Variants in CDH18 observed in about 807,000 individuals in gnomAD.
The protein encoded by CDH18 is cadherin-18.
CDH18 carries 31 observed loss-of-function variants against 67.9 expected under a neutral mutation model. The ratio of observed to expected loss-of-function variants is 0.46; its 90% CI spans 0.34 to 0.62. The LOEUF is 0.62. Ranked by LOEUF, CDH18 falls within the 20% of genes least tolerant of loss-of-function variation. The probability of loss-of-function intolerance (pLI) is 0.01; values close to 1 mark genes in which losing one functional copy is unlikely to be tolerated. For synonymous variants in CDH18, 362 were observed against 347.2 expected (o/e 1.04, Z -0.48); for missense variants, 890 against 975.5 (o/e 0.91, Z 1.17).
intron 4 of CDH18, among the ~76,000 whole-genome samples, chr5:19,743,750 G>A (rs1024667261): frequency 4.6e-5 from 7 of 151,700 alleles, no homozygotes; most frequent in Admixed American, 3.3e-4. Flanking sequence ...GCAAGACCCC[G>A]TCTCTACTAA....
intron 2 of CDH18, among the ~76,000 whole-genome samples, chr5:19,872,360 A>G (rs1187688675): frequency 6.6e-6 from 1 of 152,168 alleles, no homozygotes; most frequent in African/African-American, 2.4e-5. Context: ...GTGATGGAAA[A>G]GGTTTATTTA....
chr5:19,942,143 A>G (rs911627910), intron 2 of CDH18, among the ~76,000 whole-genome samples: 1 of 152,154 alleles, frequency 6.6e-6, no homozygotes, highest in African/African-American at 2.4e-5. Context: ...GATCAAGATT[A>G]TGAAGATCTC....
intron 2 of CDH18, among the ~76,000 whole-genome samples, chr5:20,144,160 G>T (rs888692637): frequency 1.3e-5 from 2 of 152,050 alleles, no homozygotes; most frequent in Admixed American, 1.3e-4. Flanking sequence ...CCACAGAGCA[G>T]GGCCACCTCT....
At chr5:20,480,826 C>T (rs113623936) in intron 1 of CDH18, among the ~76,000 whole-genome samples, 4,620 of 151,706 alleles carry the variant, frequency 0.03, 84 homozygotes, top group Non-Finnish European at 0.043. Flanking sequence ...CTCATGGTAA[C>T]CTCAAATCAA....
At chr5:20,080,902 C>G (rs1232752064) in intron 2 of CDH18, among the ~76,000 whole-genome samples, 2 of 152,092 alleles carry the variant, frequency 1.3e-5, no homozygotes, top group East Asian at 3.9e-4. Context: ...TCTTTCTACT[C>G]TTTCCTAAGC....
At chr5:20,257,977 T>C (rs990592175) in intron 1 of CDH18, among the ~76,000 whole-genome samples, 2 of 149,816 alleles carry the variant, frequency 1.3e-5, no homozygotes, top group African/African-American at 4.9e-5. Context: ...TGTATTCTCA[T>C]TTATTATATA....
chr5:20,112,800 C>A (rs1747591447), intron 2 of CDH18, among the ~76,000 whole-genome samples: 1 of 152,198 alleles, frequency 6.6e-6, no homozygotes. Context: ...ATTACATCCA[C>A]ATTCATGCCT....
chr5:19,473,425 A>G lies in CDH18; in HGVS notation c.2174T>C (p.Leu725Pro), dbSNP rs2126490136. The G allele has an allele frequency of 6.2e-7, 1 of 1,613,854 alleles. No homozygotes were observed. The highest frequency in any genetic ancestry group is 8.5e-7 in the Non-Finnish European group (1 of 1,179,884). Residue 725 changes from leucine (L) to proline (P), a missense_variant, in exon 13 of 13, where the codon CTA becomes CCA. Leu to Pro is a moderately conservative substitution (Grantham distance 98). This residue lies in a region of CDH18 where 656 missense variants were observed against 668.1 expected (regional missense o/e 0.98). Transcript: ENST00000382275. ...GTCATAAGGGGGAACGCTAGGGTCT[A>G]GGTCTGCTTCTGCCAGTCTTTGCTT... Reference protein sequence around the residue: ...FIKQRLAEADLDPSVPPYDSL... With the variant: ...FIKQRLAEADPDPSVPPYDSL...
At chr5:20,539,759 C>T (rs867079586) in intron 1 of CDH18, among the ~76,000 whole-genome samples, 2 of 144,512 alleles carry the variant, frequency 1.4e-5, no homozygotes, top group Non-Finnish European at 3.0e-5. Flanking sequence ...CACACACAAA[C>T]ACACACACAC....
intron 9 of CDH18, among the ~76,000 whole-genome samples, chr5:19,529,810 AC>A (rs1232371671): frequency 6.6e-6 from 1 of 152,152 alleles, no homozygotes; most frequent in East Asian, 1.9e-4. Context: ...ATAACTGAAA[AC>A]ATACTGTGTT....
At chr5:19,503,271 G>C (rs897453046) in intron 10 of CDH18, among the ~76,000 whole-genome samples, 162 bp from the exon 11 acceptor site, 2 of 152,000 alleles carry the variant, frequency 1.3e-5, no homozygotes, top group Non-Finnish European at 2.9e-5. Context: ...CTAAATTGCT[G>C]TATCCTGCAT....
chr5:19,622,092 A>T (rs1437469617), intron 5 of CDH18, among the ~76,000 whole-genome samples: 5 of 152,094 alleles, frequency 3.3e-5, no homozygotes, highest in Non-Finnish European at 7.4e-5. Context: ...TGGCCAACAG[A>T]CCCTCAAATA....
At chr5:19,884,582 A>G (rs1379728446) in intron 2 of CDH18, among the ~76,000 whole-genome samples, 1 of 151,948 alleles carries the variant, frequency 6.6e-6, no homozygotes, top group East Asian at 1.9e-4. Flanking sequence ...TAAAAGATAC[A>G]TAGATTAAAA....
chr5:19,592,324 C>T (rs1433232402), intron 6 of CDH18, among the ~76,000 whole-genome samples: 1 of 151,822 alleles, frequency 6.6e-6, no homozygotes, highest in African/African-American at 2.4e-5. Flanking sequence ...CGAATGGAAC[C>T]GTTTCTATAG....
chr5:19,982,788 T>TA (rs1439815990), intron 1 of CDH18, among the ~76,000 whole-genome samples: 1 of 152,162 alleles, frequency 6.6e-6, no homozygotes, highest in Non-Finnish European at 1.5e-5. Context: ...CTCACACCTG[T>TA]AATCCCAGCA....
At chr5:19,556,917 C>T (rs555925464) in intron 8 of CDH18, among the ~76,000 whole-genome samples, 188 of 152,112 alleles carry the variant, frequency 1.2e-3, no homozygotes, top group South Asian at 2.5e-3. Flanking sequence ...TAAAGGAAAA[C>T]GTATCAGATT....
At chr5:20,284,635 A>G (rs898654383) in intron 1 of CDH18, among the ~76,000 whole-genome samples, 3 of 151,922 alleles carry the variant, frequency 2.0e-5, no homozygotes, top group Admixed American at 2.0e-4. Flanking sequence ...CTGCACCTAA[A>G]ACACTTAGTA....
chr5:20,366,941 C>A (rs1742568325), intron 1 of CDH18, among the ~76,000 whole-genome samples: 1 of 152,066 alleles, frequency 6.6e-6, no homozygotes, highest in African/African-American at 2.4e-5. Context: ...CCTCAGCTGT[C>A]ATAGGTAATA....
intron 5 of CDH18, among the ~76,000 whole-genome samples, chr5:19,699,697 G>A (rs1762988530): frequency 6.6e-6 from 1 of 151,194 alleles, no homozygotes; most frequent in South Asian, 2.1e-4. Flanking sequence ...TCTGCCATGT[G>A]AGGACATAGC....
Sources: gnomAD v4.1 joint callset for allele counts (sites outside exome capture counted in the v4.1 genomes callset) on GRCh38, gnomAD v4.1.1 for gene constraint, gnomAD v4.1.1 regional missense constraint, MANE v1.5 for transcripts, NCBI Gene and HGNC (gene_info 2026-07-23, HGNC 2026-07-21) for gene names.